The following XPOT variants were observed in gnomAD, a reference collection of about 807,000 sequenced individuals.
XPOT encodes the protein exportin for tRNA, also known as exportin-T.
Under a neutral mutation model 128.2 loss-of-function variants are expected in XPOT, and 34 were observed. The observed-to-expected ratio is 0.27, with a 90% CI of 0.20 to 0.35. The LOEUF is 0.35. Ranked by LOEUF, XPOT falls within the 10% of genes least tolerant of loss-of-function variation. XPOT has a pLI of 1.00. For synonymous variants in XPOT, 348 were observed against 394.3 expected (o/e 0.88, Z 1.39); for missense variants, 838 against 1,125.3 (o/e 0.74, Z 3.65).
chr12:64,407,658 CCTA>C (rs2039995512), intron 1 of XPOT, among the ~76,000 whole-genome samples: 3 of 152,110 alleles, frequency 2.0e-5, no homozygotes, highest in Admixed American at 6.6e-5. Context: ...CAGGGGTTAA[CCTA>C]CTAACAAGAA....
intron 23 of XPOT, among the ~76,000 whole-genome samples, chr12:64,440,539 A>G (rs962894373): frequency 8.6e-5 from 13 of 152,022 alleles, no homozygotes; most frequent in Admixed American, 3.9e-4. Context: ...ACATCTTACT[A>G]TTTTCTATAG....
chr12:64,439,662 C>T (rs946541829), intron 23 of XPOT, among the ~76,000 whole-genome samples: 3 of 152,134 alleles, frequency 2.0e-5, no homozygotes, highest in South Asian at 2.1e-4. Flanking sequence ...TTCCAGACTG[C>T]TGAAGGGGAC....
chr12:64,405,550 T>C (rs1409727311), intron 1 of XPOT, among the ~76,000 whole-genome samples: 2 of 152,246 alleles, frequency 1.3e-5, no homozygotes, highest in Admixed American at 1.3e-4. Context: ...TTTAAGTATG[T>C]TGCTTGCCTT....
intron 2 of XPOT, 107 bp downstream of exon 2, chr12:64,410,202 C>A: frequency 6.2e-6 from 6 of 961,404 alleles, no homozygotes; most frequent in Admixed American, 4.6e-5. Context: ...TAGAAATGAA[C>A]AGAAACAAAA....
intron 23 of XPOT, chr12:64,443,467 TATTTTGAGACAGGGTC>T (rs1166626560): frequency 2.0e-5 from 3 of 152,036 alleles, no homozygotes; most frequent in Non-Finnish European, 4.4e-5. Flanking sequence ...TTTTTATTTT[TATTTTGAGACAGGGTC>T]ATCCACTGTC....
rs1025219063 is a variant in XPOT, at chr12:64,435,050, T to G, written c.2685+141T>G. The G allele has an allele frequency of 3.0e-5, 20 of 677,190 alleles. No homozygotes were observed. In the East Asian group the frequency reaches 5.6e-4, roughly 19 times the overall value. The allele number at this position is 677,190 out of a possible 1,614,324, so 41.9% of individuals were successfully genotyped here. A position where few individuals can be genotyped will look rare whatever the true frequency, so the allele number is the denominator to read the frequency against. On this transcript the variant is annotated intron_variant, in intron 21 of 24. Transcript: ENST00000332707. ...CAGATCAGGGTTCTTTTTTTAAAGA[T>G]TTATGATACCTTCTGGAGTTTTTAT...
At chr12:64,412,672 G>A (rs955926020) in intron 2 of XPOT, among the ~76,000 whole-genome samples, 5 of 152,104 alleles carry the variant, frequency 3.3e-5, no homozygotes, top group Non-Finnish European at 7.4e-5. Context: ...GATTTCTGTG[G>A]ACACCAACTG....
intron 14 of XPOT, 130 bp from the exon 15 acceptor site, chr12:64,425,685 C>A: frequency 2.0e-6 from 2 of 1,006,818 alleles, no homozygotes; most frequent in Non-Finnish European, 1.5e-6. Flanking sequence ...TTTAGAATTA[C>A]TCGTATATTC....
intron 17 of XPOT, among the ~76,000 whole-genome samples, chr12:64,430,826 T>C (rs1028136751): frequency 1.3e-5 from 2 of 152,176 alleles, no homozygotes; most frequent in Non-Finnish European, 2.9e-5. Context: ...CTGAAGATGG[T>C]TTTCTAAATT....
rs527438117 is a variant in XPOT at position 64,406,758 on chromosome 12, C to A, written c.-75+1954C>A. The stretch of plus-strand genomic sequence containing the variant: ...CAGGGATTCTTAGAAACTCCGAAAT[C>A]GTTTTTTCTCTCTGTGGGCATTTTT... On this transcript the variant is annotated intron_variant, in intron 1 of 24. Transcript: ENST00000332707. Among the ~76,000 whole-genome samples the A allele has an allele frequency of 1.3e-3, 195 of 152,128 alleles. 1 individual carries two copies. Among genetic ancestry groups the A allele is most frequent in the Admixed American group, 4.7e-3 (72 of 15,270 alleles).
intron 11 of XPOT, among the ~76,000 whole-genome samples, chr12:64,423,447 AC>A (rs933219130): frequency 2.0e-5 from 3 of 149,790 alleles, no homozygotes; most frequent in African/African-American, 4.9e-5. Flanking sequence ...ATTAACAACC[AC>A]CCCCCCTCCT....
At chr12:64,440,645 A>C (rs1043709679) in intron 23 of XPOT, among the ~76,000 whole-genome samples, 1 of 152,062 alleles carries the variant, frequency 6.6e-6, no homozygotes, top group Admixed American at 6.6e-5. Flanking sequence ...TTTTTTTGTA[A>C]TAGCCATTCT....
At chr12:64,422,919 A>C (rs1477698542) in intron 9 of XPOT, 86 bp from the exon 10 acceptor site, 19 of 1,343,550 alleles carry the variant, frequency 1.4e-5, no homozygotes, top group East Asian at 1.2e-4. Flanking sequence ...AAAAAAAAAA[A>C]CCAGGTCTTA....
At chr12:64,429,261 A>G (rs1310964161) in intron 16 of XPOT, among the ~76,000 whole-genome samples, 3 of 152,098 alleles carry the variant, frequency 2.0e-5, no homozygotes, top group Admixed American at 6.6e-5. Flanking sequence ...TGCCTTATGT[A>G]TTTGTTCTCT....
intron 2 of XPOT, among the ~76,000 whole-genome samples, chr12:64,410,690 A>G (rs965924766): frequency 2.0e-5 from 3 of 152,218 alleles, no homozygotes; most frequent in Non-Finnish European, 2.9e-5. Context: ...ATGATAGGTT[A>G]TGTCTTAAGT....
intron 6 of XPOT, 126 bp downstream of exon 6, chr12:64,419,220 A>G: frequency 1.5e-6 from 1 of 677,912 alleles, no homozygotes; most frequent in Non-Finnish European, 2.3e-6. Flanking sequence ...ATAATTATAA[A>G]TTTACCTGAT....
intron 15 of XPOT, among the ~76,000 whole-genome samples, chr12:64,426,578 G>A (rs1391298303): frequency 1.3e-5 from 2 of 152,140 alleles, no homozygotes; most frequent in Non-Finnish European, 2.9e-5. Context: ...ACTTCCTGTT[G>A]GGTACTGTGT....
At chr12:64,407,343 G>A (rs867015006) in intron 1 of XPOT, among the ~76,000 whole-genome samples, 1 of 151,914 alleles carries the variant, frequency 6.6e-6, no homozygotes, top group Admixed American at 6.6e-5. Flanking sequence ...AAAATTAGCC[G>A]GGTGTGGTGG....
intron 2 of XPOT, among the ~76,000 whole-genome samples, chr12:64,412,815 A>T (rs777813698): frequency 2.6e-5 from 4 of 152,152 alleles, no homozygotes; most frequent in Admixed American, 6.5e-5. Flanking sequence ...ATTTCTGATG[A>T]TGGAGTAGCC....
Sources: allele counts gnomAD v4.1 joint callset (sites outside exome capture counted in the v4.1 genomes callset), GRCh38; gene constraint gnomAD v4.1.1; transcripts MANE v1.5; gene names NCBI Gene and HGNC (gene_info 2026-07-23, HGNC 2026-07-21).